The following GAN variants were observed in gnomAD, a reference collection of about 807,000 sequenced individuals.
GAN encodes gigaxonin.
Under a neutral mutation model 71.3 loss-of-function variants are expected in GAN, and 48 were observed. That is an observed-to-expected ratio of 0.67 (90% CI 0.53 to 0.86). The LOEUF (loss-of-function observed/expected upper bound fraction) is 0.86. Ranked by LOEUF, GAN falls within the 40% of genes least tolerant of loss-of-function variation. The pLI is 0.00. For synonymous variants in GAN, 386 were observed against 276.8 expected, an observed-to-expected ratio of 1.39 and a Z score of -3.92; for missense variants, 928 against 770.1, an observed-to-expected ratio of 1.21 and a Z score of -2.43.
At chr16:81,356,160 T>C (rs74489250) in intron 3 of GAN, among the ~76,000 whole-genome samples, 3,226 of 152,328 alleles carry the variant, frequency 0.021, 55 homozygotes, top group East Asian at 0.081. Flanking sequence ...GTAAAGACAG[T>C]TGATTTTTAA....
At chr16:81,366,413 C>G (rs2113308) in intron 9 of GAN, among the ~76,000 whole-genome samples, 3 of 152,198 alleles carry the variant, frequency 2.0e-5, no homozygotes, top group African/African-American at 7.2e-5. Context: ...TTTCCTCACA[C>G]ATTTTATTGT....
At chr16:81,358,586 G>T (rs1910568435) in intron 5 of GAN, among the ~76,000 whole-genome samples, 1 of 151,628 alleles carries the variant, frequency 6.6e-6, no homozygotes, top group Non-Finnish European at 1.5e-5. Context: ...TCCAGCCTGG[G>T]TGACAGAGTG....
intron 1 of GAN, among the ~76,000 whole-genome samples, chr16:81,319,206 T>TTATATATATATATATATATATA (rs57681055): frequency 5.1e-4 from 71 of 138,770 alleles, no homozygotes; most frequent in South Asian, 2.6e-3. Flanking sequence ...TAGATATAGA[T>TTATATATATATATATATATATA]TATATATATA....
chr16:81,317,457 C>T (rs766884658), intron 1 of GAN, among the ~76,000 whole-genome samples: 4 of 152,204 alleles, frequency 2.6e-5, no homozygotes, highest in Non-Finnish European at 5.9e-5. Context: ...AAAAATGAGT[C>T]TTCTCATTTA....
intron 1 of GAN, among the ~76,000 whole-genome samples, chr16:81,340,749 A>G (rs1434457277): frequency 6.6e-6 from 1 of 151,476 alleles, no homozygotes; most frequent in Non-Finnish European, 1.5e-5. Context: ...AAAGGAATAC[A>G]ACTCCTTGCC....
intron 9 of GAN, among the ~76,000 whole-genome samples, chr16:81,376,515 G>GTA (rs1288653429): frequency 3.6e-4 from 49 of 137,756 alleles, no homozygotes; most frequent in Non-Finnish European, 4.1e-4. Flanking sequence ...GTGTGTATGT[G>GTA]TGTGTGTATA....
At position 81,356,976 on chromosome 16, in the gene GAN, C is replaced by T. The variant is rs201748023; in HGVS notation, c.825C>T (p.Ile275=). The T allele has an allele frequency of 5.0e-6, 8 of 1,609,676 alleles. No homozygotes were observed. Among genetic ancestry groups the T allele is most frequent in the African/African-American group, 1.3e-5 (1 of 74,944 alleles). ...NFKPRGYSEC[I]VTVGGEERVS... is the part of the protein sequence containing the mutation. ...AACCCCGGGGCTACTCTGAGTGCAT[C>T]GTGACTGTTGGTGGAGAAGAGAGAG... is the stretch of plus-strand genomic sequence containing the variant. The change falls in exon 4 of 11, where the codon ATC becomes ATT. Residue 275 remains isoleucine (I), a synonymous_variant. Transcript: ENST00000648994.
chr16:81,356,716 T>C, intron 3 of GAN, 69 bp from the exon 4 acceptor site: 2 of 1,087,072 alleles, frequency 1.8e-6, no homozygotes, highest in Non-Finnish European at 1.4e-6. Flanking sequence ...AGGTGGAAAA[T>C]GTAGATTCTA....
chr16:81,340,804 T>C (rs953600955), intron 1 of GAN, among the ~76,000 whole-genome samples: 1 of 151,950 alleles, frequency 6.6e-6, no homozygotes, highest in Admixed American at 6.6e-5. Context: ...GATGAGTTGA[T>C]AGAAGTAGGC....
At chr16:81,315,509 C>G (rs1004393416) in intron 1 of GAN, among the ~76,000 whole-genome samples, 4 of 152,012 alleles carry the variant, frequency 2.6e-5, no homozygotes, top group Non-Finnish European at 5.9e-5. Flanking sequence ...ACTGGACCCC[C>G]GCGCCCCTTG....
Position 81,346,662 on chromosome 16 carries a change from C to A in GAN, c.168-4921C>A, listed in dbSNP as rs533327327. Among the ~76,000 whole-genome samples, 3 of 152,324 alleles carry A rather than the reference C, an allele frequency of 2.0e-5. No individual in the cohort carries two copies. The East Asian group carries it at 5.8e-4, about 29-fold the overall frequency. ...AAAGATTGTCTTCCACGAAACCAGTCCCTGGTGCCAAAAAGGTTGGGGACT... is the reference window on the plus strand; with the variant it reads ...AAAGATTGTCTTCCACGAAACCAGTACCTGGTGCCAAAAAGGTTGGGGACT... On this transcript the variant is annotated intron_variant, in intron 1 of 10. Transcript: ENST00000648994.
intron 1 of GAN, 94 bp downstream of exon 1, chr16:81,315,374 C>A: frequency 1.2e-6 from 1 of 867,758 alleles, no homozygotes; most frequent in Non-Finnish European, 1.5e-6. Flanking sequence ...ACCCTGTCCC[C>A]TGTCCCCGGC....
At chr16:81,353,580 A>C (rs1567491047) in intron 2 of GAN, among the ~76,000 whole-genome samples, 1 of 152,178 alleles carries the variant, frequency 6.6e-6, no homozygotes, top group Admixed American at 6.5e-5. Context: ...AAAATGTAAA[A>C]ATGTTTCTTG....
chr16:81,341,469 G>A (rs908144941), intron 1 of GAN, among the ~76,000 whole-genome samples: 1 of 152,182 alleles, frequency 6.6e-6, no homozygotes, highest in African/African-American at 2.4e-5. Flanking sequence ...AGAAGAGAGT[G>A]GGGGCCAATA....
chr16:81,358,302 A>G (rs1043087752), intron 5 of GAN, among the ~76,000 whole-genome samples: 6 of 152,170 alleles, frequency 3.9e-5, no homozygotes, highest in African/African-American at 1.2e-4. Flanking sequence ...TTAGAATTAC[A>G]ATATGTAATT....
rs56782049 is a variant in GAN, at chr16:81,376,465, ATGTGTGTGTGTGTG to A, written c.1503-722_1503-709del. ...CAATATCCCATCTTTATACATACAT[ATGTGTGTGTGTGTG>A]TGTGTGTGTGTGTGTGTGTGTGTGT... On this transcript the variant is annotated intron_variant, in intron 9 of 10. Transcript: ENST00000648994. Among the ~76,000 whole-genome samples the A allele has an allele frequency of 6.3e-3, 805 of 127,160 alleles. 7 individuals carry two copies. Among genetic ancestry groups the A allele is most frequent in the African/African-American group, 0.022 (730 of 33,076 alleles). 83.4% of individuals were successfully genotyped at this position (127,160 alleles called of 152,430 possible). A position where few individuals can be genotyped will look rare whatever the true frequency, so the allele number is the denominator to read the frequency against.
chr16:81,349,913 C>A (rs1910242579), intron 1 of GAN, among the ~76,000 whole-genome samples: 1 of 151,996 alleles, frequency 6.6e-6, no homozygotes, highest in Non-Finnish European at 1.5e-5. Context: ...TAATTCATAC[C>A]AAGAGCATGT....
At chr16:81,327,967 G>C (rs1380067888) in intron 1 of GAN, among the ~76,000 whole-genome samples, 1 of 152,226 alleles carries the variant, frequency 6.6e-6, no homozygotes, top group Non-Finnish European at 1.5e-5. Flanking sequence ...CAAAAGGTCA[G>C]GGTGTGACCA....
At chr16:81,352,049 A>G (rs547232150) in intron 2 of GAN, among the ~76,000 whole-genome samples, 3 of 152,174 alleles carry the variant, frequency 2.0e-5, no homozygotes, top group African/African-American at 7.2e-5. Context: ...TTGTATCCAT[A>G]TGACTGGGGA....
Sources: allele counts gnomAD v4.1 joint callset (sites outside exome capture counted in the v4.1 genomes callset), GRCh38; gene constraint gnomAD v4.1.1; transcripts MANE v1.5; gene names NCBI Gene and HGNC (gene_info 2026-07-23, HGNC 2026-07-21).